PLCD1: variants seen among roughly 807,000 people sequenced by gnomAD.
PLCD1 encodes the protein phospholipase C delta 1, also known as 1-phosphatidylinositol 4,5-bisphosphate phosphodiesterase delta-1.
Under a neutral mutation model 87.4 loss-of-function variants are expected in PLCD1, and 71 were observed. The observed-to-expected ratio is 0.81, with a 90% CI of 0.67 to 0.99. The LOEUF (loss-of-function observed/expected upper bound fraction) is 0.99. PLCD1 is among the 50% of genes least tolerant of loss of function. PLCD1 has a pLI of 0.00. For missense variants in PLCD1, 867 were observed against 1,001.5 expected (o/e 0.87, Z 1.81); for synonymous variants, 348 against 399.2 (o/e 0.87, Z 1.53).
chr3:38,026,754 G>A (rs1700315497), intron 1 of PLCD1, among the ~76,000 whole-genome samples: 1 of 152,188 alleles, frequency 6.6e-6, no homozygotes, highest in Non-Finnish European at 1.5e-5. Context: ...TTGGAGGACT[G>A]GTTTTTGGGG....
chr3:38,020,186 A>C lies in PLCD1; in HGVS notation c.199+2T>G. 3 of 1,613,510 alleles carry C rather than the reference A, an allele frequency of 1.9e-6. No individual in the cohort carries two copies. In the East Asian group the frequency reaches 6.7e-5, roughly 36 times the overall value. On this transcript the variant is annotated splice_donor_variant, in intron 2 of 14. Transcript: ENST00000334661. LOFTEE classifies it high-confidence loss of function. ...CCTCCCCTGTGACCCCAGGGCACTC[A>C]CACAGCTGGGACTCCGGGGTCCGCA...
chr3:38,022,090 G>C (rs1398955249), intron 1 of PLCD1, among the ~76,000 whole-genome samples: 1 of 152,182 alleles, frequency 6.6e-6, no homozygotes, highest in Admixed American at 6.5e-5. Flanking sequence ...TCAGCACTGG[G>C]CTAAGAACAG....
At position 38,020,256 on chromosome 3, in the gene PLCD1, A is replaced by G. The variant is rs1700213855; in HGVS notation, c.131T>C (p.Leu44Ser). The G allele has an allele frequency of 2.5e-6, 4 of 1,614,092 alleles. No homozygotes were observed. The highest frequency in any genetic ancestry group is 3.4e-6 in the Non-Finnish European group (4 of 1,179,992). Residue 44 changes from leucine (L) to serine (S), a missense_variant, in exon 2 of 15, where the codon TTG becomes TCG. Coordinates refer to ENST00000334661, the MANE Select transcript of PLCD1 (RefSeq NM_006225.4). ...SSWRRERFYK[L>S]QEDCKTIWQE... ...CCAGATGGTCTTGCAGTCCTCCTGC[A>G]ACTTGTAGAAGCGCTCTCTCCTCCA...
Position 38,016,734 on chromosome 3 carries a change from T to C in PLCD1, c.200-15A>G. 2 of 1,519,504 alleles carry C rather than the reference T, an allele frequency of 1.3e-6. No homozygotes were observed. Among genetic ancestry groups the C allele is most frequent in the Non-Finnish European group, 1.8e-6 (2 of 1,117,464 alleles). 94.1% of individuals were successfully genotyped at this position (1,519,504 alleles called of 1,614,324 possible). On this transcript the variant is annotated splice_polypyrimidine_tract_variant and intron_variant, in intron 2 of 14. Coordinates refer to ENST00000334661, the MANE Select transcript of PLCD1 (RefSeq NM_006225.4). ...CTCGATGGAGACTGCGAGAGGGGGA[T>C]GGTGGAGGAGAGAGGGAGAGAATGC...
intron 3 of PLCD1, among the ~76,000 whole-genome samples, chr3:38,012,498 T>C (rs965460241): frequency 1.3e-5 from 2 of 151,522 alleles, no homozygotes; most frequent in African/African-American, 2.4e-5. Flanking sequence ...TTGGAAAACA[T>C]ATATATGTTA....
intron 3 of PLCD1, chr3:38,014,593 A>G (rs981288805): frequency 6.5e-6 from 1 of 153,774 alleles, no homozygotes; most frequent in African/African-American, 2.4e-5. Context: ...AGGGGTGTTT[A>G]CAACTAATTG....
rs998249799 is a variant in PLCD1, at chr3:38,025,141, C to T, written c.34+4365G>A. ...CCCAGGAAGCAGCCCGGGGGCGGGG[C>T]CAGGGCCCAGGAGGCGAGCCTGGGA... On this transcript the variant is annotated intron_variant, in intron 1 of 14. Coordinates refer to ENST00000334661, the MANE Select transcript of PLCD1 (RefSeq NM_006225.4). The surrounding 1 kb of genome is among the most constrained non-coding windows in gnomAD (Gnocchi z 4.0). Among the ~76,000 whole-genome samples, 1 of 152,124 alleles carries T rather than the reference C, an allele frequency of 6.6e-6. No homozygotes were observed. Among genetic ancestry groups the T allele is most frequent in the Non-Finnish European group, 1.5e-5 (1 of 68,004 alleles).
Position 38,009,901 on chromosome 3 carries a change from C to T in PLCD1, c.1287+3G>A, listed in dbSNP as rs1265370379. The T allele has an allele frequency of 6.2e-7, 1 of 1,602,302 alleles. No individual in the cohort carries two copies. Among genetic ancestry groups the T allele is most frequent in the South Asian group, 1.1e-5 (1 of 89,506 alleles). On this transcript the variant is annotated splice_donor_region_variant and intron_variant, in intron 8 of 14. Transcript: ENST00000334661. ...CCAGGGATCCCCCATCCCCACCACA[C>T]ACCTCAGGGGAGGGCAGGCTGTTGG...
intron 11 of PLCD1, 46 bp from the exon 12 acceptor site, chr3:38,008,682 G>T: frequency 1.9e-6 from 3 of 1,568,954 alleles, no homozygotes; most frequent in African/African-American, 2.7e-5. Flanking sequence ...TGGCCCTGGG[G>T]CCCTAGAGCA....
At chr3:38,021,614 C>G (rs536053399) in intron 1 of PLCD1, among the ~76,000 whole-genome samples, 1 of 152,194 alleles carries the variant, frequency 6.6e-6, no homozygotes, top group Non-Finnish European at 1.5e-5. Flanking sequence ...CGTATGTGTG[C>G]GTGTATCACC....
At chr3:38,012,474 C>T (rs924870561) in intron 3 of PLCD1, among the ~76,000 whole-genome samples, 1 of 151,554 alleles carries the variant, frequency 6.6e-6, no homozygotes, top group African/African-American at 2.4e-5. Context: ...CATCTATACC[C>T]ATATATATAC....
chr3:38,024,708 C>G (rs1363363491), intron 1 of PLCD1: 3 of 1,470,274 alleles, frequency 2.0e-6, no homozygotes, highest in Non-Finnish European at 1.8e-6. Context: ...CCTATGCCCC[C>G]TGAAGGTGAG....
At chr3:38,008,822 G>T (rs73060833) in intron 11 of PLCD1, 186 bp from the exon 12 acceptor site, 2 of 672,998 alleles carry the variant, frequency 3.0e-6, no homozygotes, top group Non-Finnish European at 5.2e-6. Context: ...TCCATTCCTG[G>T]TGTGAGAATT....
rs1700171567 is a variant in PLCD1 at position 38,017,203 on chromosome 3, C to T, written c.200-484G>A. Among the ~76,000 whole-genome samples, 1 of 152,054 alleles carries T rather than the reference C, an allele frequency of 6.6e-6. No homozygotes were observed. Among genetic ancestry groups the T allele is most frequent in the Non-Finnish European group, 1.5e-5 (1 of 67,986 alleles). On this transcript the variant is annotated intron_variant, in intron 2 of 14. Transcript: ENST00000334661. This position sits in a 1 kb window ranked among gnomAD's most constrained non-coding sequence, Gnocchi z 4.7. ...TATTGGACTTTGGGTCTGTCCTGAC[C>T]CGATAAAGCCACAAGAGCCACCAGG...
chr3:38,023,805 C>G (rs1372408493), intron 1 of PLCD1, among the ~76,000 whole-genome samples: 1 of 151,652 alleles, frequency 6.6e-6, no homozygotes, highest in Non-Finnish European at 1.5e-5. Context: ...GCAGCCACCT[C>G]AGTGCCACAA....
In PLCD1 at chr3:38,017,507, G is replaced by A. The variant is rs1043183050; in HGVS notation, c.200-788C>T. ...TGCCCTTAGGGGAGCCAAGGGGAGG[G>A]CCCTCCCCTCACACCCAGCCTTCCA... On this transcript the variant is annotated intron_variant, in intron 2 of 14. Coordinates refer to ENST00000334661, the MANE Select transcript of PLCD1 (RefSeq NM_006225.4). This position sits in a 1 kb window ranked among gnomAD's most constrained non-coding sequence, Gnocchi z 4.7. Among the ~76,000 whole-genome samples the A allele has an allele frequency of 6.6e-6, 1 of 152,094 alleles. No individual in the cohort carries two copies. The highest frequency in any genetic ancestry group is 2.4e-5 in the African/African-American group (1 of 41,416).
Position 38,011,527 on chromosome 3 carries a change from C to T in PLCD1, c.558+17G>A, listed in dbSNP as rs1157729654. Reference sequence around the variant, plus strand: ...GCCCCATGGACAGGCAGCCCCAGCCCCCACTTCCTGCCTCACCCTGAAGAT... The same window carrying T: ...GCCCCATGGACAGGCAGCCCCAGCCTCCACTTCCTGCCTCACCCTGAAGAT... On this transcript the variant is annotated intron_variant, in intron 4 of 14. Transcript: ENST00000334661. 4 of 1,614,118 alleles carry T rather than the reference C, an allele frequency of 2.5e-6. No individual in the cohort carries two copies. The highest frequency in any genetic ancestry group is 1.7e-5 in the Admixed American group (1 of 60,024).
Position 38,029,487 on chromosome 3 carries a change from G to C in PLCD1, c.34+19C>G. 1 of 1,538,018 alleles carries C rather than the reference G, an allele frequency of 6.5e-7. No individual in the cohort carries two copies. Among genetic ancestry groups the C allele is most frequent in the Admixed American group, 2.0e-5 (1 of 50,992 alleles). The stretch of plus-strand genomic sequence containing the variant: ...TCCACCCCTGCAGGGTCTCCCGCTC[G>C]CGCGGGCCAGGCACTCACCGTGCAG... On this transcript the variant is annotated intron_variant, in intron 1 of 14. Coordinates refer to ENST00000334661, the MANE Select transcript of PLCD1 (RefSeq NM_006225.4).
chr3:38,024,034 G>A (rs1020123624), intron 1 of PLCD1: 2 of 437,036 alleles, frequency 4.6e-6, no homozygotes, highest in South Asian at 5.8e-5. Context: ...ACACAGACCA[G>A]GCCACATACA....
Sources: allele counts gnomAD v4.1 joint callset (sites outside exome capture counted in the v4.1 genomes callset), GRCh38; gene constraint gnomAD v4.1.1; non-coding constraint Gnocchi (gnomAD v3.1); transcripts MANE v1.5; gene names NCBI Gene and HGNC (gene_info 2026-07-23, HGNC 2026-07-21).